Variants in SYN3 observed in about 807,000 individuals in gnomAD.
SYN3 encodes synapsin-3.
In SYN3, 35 loss-of-function variants were observed where a neutral mutation model predicts 65.8. The observed-to-expected ratio is 0.53, with a 90% CI of 0.41 to 0.70. The LOEUF (loss-of-function observed/expected upper bound fraction) is 0.70, where lower values mean the gene tolerates loss of function less well. SYN3 is among the 30% of genes least tolerant of loss of function. The pLI is 0.00. For missense variants in SYN3, 680 were observed against 749.0 expected, an observed-to-expected ratio of 0.91 and a Z score of 1.08; for synonymous variants, 270 against 292.9, an observed-to-expected ratio of 0.92 and a Z score of 0.80.
intron 6 of SYN3, among the ~76,000 whole-genome samples, chr22:32,780,983 T>TTCCTTCCTTCCTTACTTCCC (rs747486689): frequency 1.3e-5 from 1 of 78,136 alleles, no homozygotes; most frequent in African/African-American, 4.4e-5. Flanking sequence ...CCTTCCCTCC[T>TTCCTTCCTTCCTTACTTCCC]TCCTTCCTCT....
In SYN3 at chr22:32,623,499, T is replaced by G. The variant is rs1256671922; in HGVS notation, c.712-26763A>C. ...GTATGAGCCACTATGCCTGGCCAAG[T>G]TTTTGAAAATATGTATTGTGCACTT... On this transcript the variant is annotated intron_variant, in intron 6 of 13. Transcript: ENST00000358763. Among the ~76,000 whole-genome samples, 5 of 152,248 alleles carry G rather than the reference T, an allele frequency of 3.3e-5. No homozygotes were observed. In the East Asian group the frequency reaches 9.7e-4, roughly 29 times the overall value.
intron 6 of SYN3, among the ~76,000 whole-genome samples, chr22:32,803,134 AGTG>A (rs1481682747): frequency 6.6e-6 from 1 of 152,094 alleles, no homozygotes; most frequent in Non-Finnish European, 1.5e-5. Flanking sequence ...GTGCAAGTCC[AGTG>A]GCTCTGCTGG....
At chr22:32,579,423 C>A (rs2058902361) in intron 7 of SYN3, among the ~76,000 whole-genome samples, 1 of 152,150 alleles carries the variant, frequency 6.6e-6, no homozygotes, top group Admixed American at 6.5e-5. Flanking sequence ...TGCATTCTCA[C>A]ACAGCGGAAG....
intron 7 of SYN3, among the ~76,000 whole-genome samples, chr22:32,560,389 A>T (rs1366535942): frequency 2.0e-5 from 3 of 152,188 alleles, no homozygotes; most frequent in Non-Finnish European, 4.4e-5. Context: ...AAATTACATA[A>T]AGTGGGGTAG....
chr22:33,048,091 G>C (rs1322289682), intron 1 of SYN3, among the ~76,000 whole-genome samples: 2 of 152,082 alleles, frequency 1.3e-5, no homozygotes, highest in Admixed American at 1.3e-4. Flanking sequence ...ACCAACACCT[G>C]GACACTAGTG....
intron 6 of SYN3, among the ~76,000 whole-genome samples, chr22:32,617,346 T>C (rs2059534804): frequency 6.6e-6 from 1 of 151,956 alleles, no homozygotes; most frequent in African/African-American, 2.4e-5. Context: ...GGAGCGGGGA[T>C]GGGTGGGGAC....
At chr22:32,859,598 C>G in intron 6 of SYN3, 1 of 579,036 alleles carries the variant, frequency 1.7e-6, no homozygotes, top group Non-Finnish European at 3.0e-6. Flanking sequence ...TCATTCATTT[C>G]CACCTGGGAA....
At chr22:32,981,176 T>G (rs2052362400) in intron 2 of SYN3, among the ~76,000 whole-genome samples, 1 of 150,524 alleles carries the variant, frequency 6.6e-6, no homozygotes, top group Admixed American at 6.7e-5. Flanking sequence ...TCTTTATAGG[T>G]GGTGTGTGGT....
rs559325018 is a variant in SYN3, at chr22:32,580,629, A to C, written c.774+16045T>G. Among the ~76,000 whole-genome samples the C allele has an allele frequency of 5.9e-5, 9 of 152,230 alleles. No individual in the cohort carries two copies. In the South Asian group the frequency reaches 1.9e-3, roughly 32 times the overall value. The stretch of plus-strand genomic sequence containing the variant: ...GGAGCTACTGTAGTCGGGAAAAAAA[A>C]TCAAAGAACAATATTATTCGAAGTG... On this transcript the variant is annotated intron_variant, in intron 7 of 13. Transcript: ENST00000358763.
rs970840323 is a variant in SYN3 at position 32,663,601 on chromosome 22, A to C, written c.712-66865T>G. Among the ~76,000 whole-genome samples, 67 of 151,918 alleles carry C rather than the reference A, an allele frequency of 4.4e-4. 1 individual carries two copies. Among genetic ancestry groups the C allele is most frequent in the Admixed American group, 4.4e-3 (67 of 15,252 alleles). On this transcript the variant is annotated intron_variant, in intron 6 of 13. Coordinates refer to ENST00000358763, the MANE Select transcript of SYN3 (RefSeq NM_003490.4). The stretch of plus-strand genomic sequence containing the variant: ...GCATGAGCCACCACGCCCAGCCTAA[A>C]CCTCTTTTTCTTTATAAGTTACCCA...
chr22:32,660,585 C>T (rs1328245919), intron 6 of SYN3, among the ~76,000 whole-genome samples: 7 of 152,166 alleles, frequency 4.6e-5, no homozygotes, highest in Admixed American at 3.3e-4. Context: ...GAATGGTGGT[C>T]GGGCAAAGGA....
chr22:32,675,897 A>G (rs1477709546), intron 6 of SYN3, among the ~76,000 whole-genome samples: 1 of 152,166 alleles, frequency 6.6e-6, no homozygotes, highest in Non-Finnish European at 1.5e-5. Context: ...AAACCTAATC[A>G]GAGCCCAGGT....
intron 4 of SYN3, among the ~76,000 whole-genome samples, chr22:32,927,442 G>A (rs527602695): frequency 6.6e-6 from 1 of 151,858 alleles, no homozygotes; most frequent in Admixed American, 6.6e-5. Flanking sequence ...TAGAGATGGA[G>A]TTTCACCATG....
intron 6 of SYN3, among the ~76,000 whole-genome samples, chr22:32,685,391 G>A (rs2060576417): frequency 6.6e-6 from 1 of 152,248 alleles, no homozygotes; most frequent in Admixed American, 6.5e-5. Context: ...ATATAGTCAT[G>A]TGCCACATAA....
intron 4 of SYN3, among the ~76,000 whole-genome samples, chr22:32,876,623 T>C (rs2048990604): frequency 6.6e-6 from 1 of 150,642 alleles, no homozygotes; most frequent in South Asian, 2.1e-4. Flanking sequence ...GCACAGAGCA[T>C]TTTTACAATC....
chr22:33,031,494 A>G (rs2053755125), intron 1 of SYN3, among the ~76,000 whole-genome samples: 1 of 151,766 alleles, frequency 6.6e-6, no homozygotes, highest in South Asian at 2.1e-4. Flanking sequence ...CCACTGGACA[A>G]AGGCAGCTCT....
At chr22:32,792,881 G>C (rs1333123440) in intron 6 of SYN3, among the ~76,000 whole-genome samples, 1 of 152,220 alleles carries the variant, frequency 6.6e-6, no homozygotes, top group East Asian at 1.9e-4. Context: ...TCTTCAGGAA[G>C]AGTGCTGGTT....
At chr22:32,681,326 G>A (rs2060519866) in intron 6 of SYN3, among the ~76,000 whole-genome samples, 2 of 152,174 alleles carry the variant, frequency 1.3e-5, no homozygotes, top group South Asian at 4.1e-4. Flanking sequence ...GTGCCAAATG[G>A]CTTGCCTGGC....
At chr22:32,705,269 A>G (rs1208188920) in intron 6 of SYN3, among the ~76,000 whole-genome samples, 1 of 152,160 alleles carries the variant, frequency 6.6e-6, no homozygotes, top group African/African-American at 2.4e-5. Context: ...AATCTTCTAC[A>G]TATGGTTAGC....
Sources: allele counts gnomAD v4.1 joint callset (sites outside exome capture counted in the v4.1 genomes callset), GRCh38; gene constraint gnomAD v4.1.1; transcripts MANE v1.5; gene names NCBI Gene and HGNC (gene_info 2026-07-23, HGNC 2026-07-21).